The following HFM1 variants were observed in gnomAD, a reference collection of about 807,000 sequenced individuals.
The protein encoded by HFM1 is probable ATP-dependent DNA helicase HFM1.
Under a neutral mutation model 192.1 loss-of-function variants are expected in HFM1, and 169 were observed. That is an observed-to-expected ratio of 0.88 (90% CI 0.78 to 1.00). The LOEUF (loss-of-function observed/expected upper bound fraction) is 1.00. Ranked by LOEUF, HFM1 falls within the 50% of genes least tolerant of loss-of-function variation. The pLI is 0.00. For missense variants in HFM1, 1,661 were observed against 1,668.0 expected, an observed-to-expected ratio of 1.00 and a Z score of 0.07; for synonymous variants, 525 against 537.8, an observed-to-expected ratio of 0.98 and a Z score of 0.33.
chr1:91,329,614 G>C (rs776726773), intron 20 of HFM1: 3 of 882,050 alleles, frequency 3.4e-6, no homozygotes, highest in African/African-American at 1.7e-5. Context: ...GGGGTGGAGA[G>C]AGCATTCTAA....
At position 91,274,721 on chromosome 1, in the gene HFM1, T is replaced by C; in HGVS notation, c.3668+9A>G. On this transcript the variant is annotated intron_variant, in intron 33 of 38. Coordinates refer to ENST00000370425, the MANE Select transcript of HFM1 (RefSeq NM_001017975.6). ...TATTTTACCTTAGATATTAACATTATATTTGTACCTTGATATACTAGGAAG... is the reference window on the plus strand; with the variant it reads ...TATTTTACCTTAGATATTAACATTACATTTGTACCTTGATATACTAGGAAG... The C allele has an allele frequency of 7.4e-7, 1 of 1,346,268 alleles. No homozygotes were observed. The highest frequency in any genetic ancestry group is 1.1e-6 in the Non-Finnish European group (1 of 941,086). The allele number at this position is 1,346,268 out of a possible 1,614,324, so 83.4% of individuals were successfully genotyped here. A position where few individuals can be genotyped will look rare whatever the true frequency, so the allele number is the denominator to read the frequency against.
intron 30 of HFM1, among the ~76,000 whole-genome samples, chr1:91,277,942 A>G (rs898170706): frequency 1.2e-4 from 12 of 100,630 alleles, no homozygotes; most frequent in African/African-American, 4.4e-4. Context: ...TATACTTTAT[A>G]TATTATATTT....
intron 30 of HFM1, among the ~76,000 whole-genome samples, chr1:91,287,500 C>T (rs990438552): frequency 6.6e-6 from 1 of 152,138 alleles, no homozygotes; most frequent in Admixed American, 6.5e-5. Context: ...ACATCCACAC[C>T]AAAAACCCAT....
chr1:91,375,231 T>C, intron 13 of HFM1, 127 bp downstream of exon 13: 1 of 631,418 alleles, frequency 1.6e-6, no homozygotes, highest in Non-Finnish European at 2.8e-6. Context: ...AAATTATCAT[T>C]ATCCTTATTT....
chr1:91,353,258 C>T lies in HFM1; in HGVS notation c.1727G>A (p.Arg576Lys). The change falls in exon 14 of 39, where the codon AGA (arginine) becomes AAA (lysine). Residue 576 changes from arginine to lysine, a missense_variant and splice_region_variant. By Grantham distance (26) the Arg-to-Lys change is conservative (BLOSUM62 2). Transcript: ENST00000370425. The part of the protein sequence containing the change: ...YAYSVRDSKL[R>K]DILKDGAAYH... ...TCAAAAATTATCTCTAAACCTACCTCTCAGTTTTGAATCTCTTACGGAATA... is the reference window on the plus strand; with the variant it reads ...TCAAAAATTATCTCTAAACCTACCTTTCAGTTTTGAATCTCTTACGGAATA... 1 of 1,586,818 alleles carries T rather than the reference C, an allele frequency of 6.3e-7. No individual in the cohort carries two copies. Among genetic ancestry groups the T allele is most frequent in the Non-Finnish European group, 8.6e-7 (1 of 1,157,616 alleles).
At position 91,394,238 on chromosome 1, in the gene HFM1, T is replaced by C. The variant is rs282009; in HGVS notation, c.349A>G (p.Ile117Val). The C allele has an allele frequency of 1, 1,599,241 of 1,599,566 alleles. 799,458 individuals are homozygous for C. The highest frequency in any genetic ancestry group is 1 in the East Asian group (44,736 of 44,736). ...GAAGCATATGTCAGCTTGCCAGCAA[T>C]ATGTGATAAGTCATTATTACCTACC... Reference protein sequence around the residue: ...EGVGNNDLSHIAGKLTYASQK... With the variant: ...EGVGNNDLSHVAGKLTYASQK... Residue 117 changes from isoleucine (I) to valine (V), a missense_variant, in exon 4 of 39, where the codon ATT becomes GTT. Transcript: ENST00000370425.
intron 4 of HFM1, among the ~76,000 whole-genome samples, chr1:91,392,167 A>C (rs1663078803): frequency 6.6e-6 from 1 of 151,978 alleles, no homozygotes; most frequent in African/African-American, 2.4e-5. Flanking sequence ...AACTAGTTCA[A>C]CCATTGTGGA....
intron 20 of HFM1, chr1:91,328,336 G>A (rs985579219): frequency 3.8e-5 from 57 of 1,507,192 alleles, no homozygotes; most frequent in South Asian, 2.0e-4. Context: ...TTTAGCCGCC[G>A]AGGCCTCGTG....
At chr1:91,307,366 C>T (rs1005171138) in intron 30 of HFM1, among the ~76,000 whole-genome samples, 4 of 151,930 alleles carry the variant, frequency 2.6e-5, no homozygotes, top group Admixed American at 2.0e-4. Context: ...TATAGTTATC[C>T]TTTCTACTCT....
chr1:91,291,037 G>C lies in HFM1; in HGVS notation c.3392-13975C>G, dbSNP rs535896245. On this transcript the variant is annotated intron_variant, in intron 30 of 38. Coordinates refer to ENST00000370425, the MANE Select transcript of HFM1 (RefSeq NM_001017975.6). ...AGACACAACATACCAGAATCTCTGG[G>C]ACACATTCAAAGCAGTGTGTAGAGG... 3.3e-5 allele frequency among the ~76,000 whole-genome samples: 5 copies of C among 152,062 alleles called. No individual in the cohort carries two copies. In the South Asian group the frequency reaches 6.3e-4, roughly 19 times the overall value.
chr1:91,270,582 A>C lies in HFM1; in HGVS notation c.3773-2727T>G, dbSNP rs7538375. Among the ~76,000 whole-genome samples the C allele has an allele frequency of 1.1e-4, 17 of 151,856 alleles. No homozygotes were observed. The South Asian group carries it at 3.5e-3, about 32-fold the overall frequency. On this transcript the variant is annotated intron_variant, in intron 34 of 38. Transcript: ENST00000370425. The stretch of plus-strand genomic sequence containing the variant: ...TTTTGAAGTGAGAAGAATAAAAAAA[A>C]AAAAAAGAAAAAAGAATCCTTTTGC...
chr1:91,291,613 T>G (rs1298847606), intron 30 of HFM1, among the ~76,000 whole-genome samples: 1 of 152,182 alleles, frequency 6.6e-6, no homozygotes, highest in Non-Finnish European at 1.5e-5. Flanking sequence ...AGCCGAATTC[T>G]ACCAGAGGTA....
intron 30 of HFM1, among the ~76,000 whole-genome samples, chr1:91,292,621 T>C (rs1410024311): frequency 6.6e-6 from 1 of 151,926 alleles, no homozygotes; most frequent in East Asian, 1.9e-4. Context: ...AAAATGGCCA[T>C]ACTGCCCAAG....
At chr1:91,392,970 G>A (rs1041892690) in intron 4 of HFM1, among the ~76,000 whole-genome samples, 1 of 152,082 alleles carries the variant, frequency 6.6e-6, no homozygotes, top group African/African-American at 2.4e-5. Context: ...TATTTTGCAG[G>A]AGGTGAAAAT....
At chr1:91,302,677 G>C (rs375063035) in intron 30 of HFM1, among the ~76,000 whole-genome samples, 2 of 149,188 alleles carry the variant, frequency 1.3e-5, no homozygotes, top group African/African-American at 4.9e-5. Flanking sequence ...GCAAACTATC[G>C]CAAGGACAAA....
chr1:91,330,053 T>G (rs1336658854), intron 20 of HFM1, among the ~76,000 whole-genome samples: 1 of 152,096 alleles, frequency 6.6e-6, no homozygotes, highest in Non-Finnish European at 1.5e-5. Flanking sequence ...TGTGTCTATG[T>G]CTGTGACTGA....
At chr1:91,303,061 T>C (rs905759950) in intron 30 of HFM1, among the ~76,000 whole-genome samples, 3 of 152,220 alleles carry the variant, frequency 2.0e-5, no homozygotes, top group Admixed American at 6.5e-5. Context: ...ACTGTACAAT[T>C]CAGTGGGTTT....
In HFM1 at chr1:91,378,363, T is replaced by C. The variant is rs775030342; in HGVS notation, c.1236+40A>G. 8 of 1,450,622 alleles carry C rather than the reference T, an allele frequency of 5.5e-6. No homozygotes were observed. The East Asian group carries it at 1.1e-4, about 21-fold the overall frequency. 89.9% of individuals were successfully genotyped at this position (1,450,622 alleles called of 1,614,324 possible). On this transcript the variant is annotated intron_variant, in intron 10 of 38. Transcript: ENST00000370425. ...TTTTCTTTCTGTCTTATTCTAATTA[T>C]CCTTTTATGTTTATCTCTGAAAGCG...
At chr1:91,349,879 C>A (rs1047734721) in intron 18 of HFM1, among the ~76,000 whole-genome samples, 1 of 151,988 alleles carries the variant, frequency 6.6e-6, no homozygotes, top group South Asian at 2.1e-4. Context: ...TTAAAAGGTG[C>A]GAAACTAAAA....
Sources: allele counts gnomAD v4.1 joint callset (sites outside exome capture counted in the v4.1 genomes callset), GRCh38; gene constraint gnomAD v4.1.1; transcripts MANE v1.5; gene names NCBI Gene and HGNC (gene_info 2026-07-23, HGNC 2026-07-21).